CACNA2D1: variants seen among roughly 807,000 people sequenced by gnomAD.
The protein encoded by CACNA2D1 is calcium voltage-gated channel auxiliary subunit alpha2delta 1, also known as voltage-dependent calcium channel subunit alpha-2/delta-1.
In CACNA2D1, 53 loss-of-function variants were observed where a neutral mutation model predicts 171.5. The ratio of observed to expected loss-of-function variants is 0.31; its 90% CI spans 0.25 to 0.39. CACNA2D1 has a LOEUF of 0.39. Among genes scored for constraint, CACNA2D1 ranks in the 10% least tolerant of loss-of-function variants. The pLI, the probability that CACNA2D1 is intolerant of heterozygous loss-of-function variation, is 1.00. For missense variants in CACNA2D1, 903 were observed against 1,299.8 expected (o/e 0.69, Z 4.69); for synonymous variants, 442 against 443.1 (o/e 1.00, Z 0.03).
At chr7:81,959,426 T>C (rs1793832711) in intron 37 of CACNA2D1, 69 bp from the exon 38 acceptor site, 1 of 1,061,794 alleles carries the variant, frequency 9.4e-7, no homozygotes, top group Non-Finnish European at 1.5e-6. Flanking sequence ...TACAATGCAA[T>C]GTATTTCCCA....
intron 4 of CACNA2D1, among the ~76,000 whole-genome samples, chr7:82,147,863 A>G (rs1793324768): frequency 6.6e-6 from 1 of 152,170 alleles, no homozygotes; most frequent in Non-Finnish European, 1.5e-5. Flanking sequence ...TTCATCTTTC[A>G]TCGGGCTTAT....
intron 3 of CACNA2D1, among the ~76,000 whole-genome samples, chr7:82,221,842 T>A (rs1801808489): frequency 6.6e-6 from 1 of 151,504 alleles, no homozygotes; most frequent in African/African-American, 2.4e-5. Flanking sequence ...TAATAAAATA[T>A]TTTCTATAAT....
chr7:82,256,092 C>A (rs918531284), intron 3 of CACNA2D1, among the ~76,000 whole-genome samples: 7 of 152,236 alleles, frequency 4.6e-5, no homozygotes, highest in Non-Finnish European at 1.0e-4. Context: ...GCCTGGCCAA[C>A]ATGGTGAAAC....
At chr7:81,991,314 CG>C in intron 20 of CACNA2D1, 68 bp from the exon 21 acceptor site, 2 of 820,962 alleles carry the variant, frequency 2.4e-6, no homozygotes, top group African/African-American at 1.7e-5. Flanking sequence ...AAAGTAAAGC[CG>C]TAGAATTTAC....
intron 4 of CACNA2D1, among the ~76,000 whole-genome samples, chr7:82,162,894 C>T (rs1370676704): frequency 6.6e-6 from 1 of 152,034 alleles, no homozygotes; most frequent in East Asian, 1.9e-4. Context: ...TATTAATCAT[C>T]TGTGCCTTGT....
At chr7:82,086,708 C>A (rs1382497547) in intron 6 of CACNA2D1, among the ~76,000 whole-genome samples, 1 of 152,080 alleles carries the variant, frequency 6.6e-6, no homozygotes, top group Non-Finnish European at 1.5e-5. Context: ...CATTAATCCC[C>A]AATCTATTCT....
chr7:82,226,950 T>C (rs1324001611), intron 3 of CACNA2D1, among the ~76,000 whole-genome samples: 3 of 152,154 alleles, frequency 2.0e-5, no homozygotes, highest in Non-Finnish European at 1.5e-5. Flanking sequence ...CAGAAAAATA[T>C]TAGAATTCCT....
At chr7:81,972,303 A>G (rs917432536) in intron 25 of CACNA2D1, among the ~76,000 whole-genome samples, 1 of 151,670 alleles carries the variant, frequency 6.6e-6, no homozygotes, top group South Asian at 2.1e-4. Context: ...GAAATTATCA[A>G]GTAAAAACAT....
intron 11 of CACNA2D1, among the ~76,000 whole-genome samples, chr7:82,036,031 A>G (rs917181307): frequency 1.3e-5 from 2 of 152,114 alleles, no homozygotes; most frequent in Non-Finnish European, 2.9e-5. Flanking sequence ...CAAATTCAAC[A>G]TATCTGAAAC....
At chr7:82,162,687 A>G (rs3801726) in intron 4 of CACNA2D1, among the ~76,000 whole-genome samples, 39,642 of 151,892 alleles carry the variant, frequency 0.26, 5,492 homozygotes, top group Middle Eastern at 0.37. Context: ...CTTTCTACTT[A>G]GAGACATCTT....
At chr7:82,220,791 T>C (rs1271849315) in intron 3 of CACNA2D1, among the ~76,000 whole-genome samples, 1 of 149,786 alleles carries the variant, frequency 6.7e-6, no homozygotes, top group Non-Finnish European at 1.5e-5. Context: ...CTTTTTTTTT[T>C]TTTTTGAGAT....
At chr7:82,194,007 A>C (rs1798603852) in intron 3 of CACNA2D1, among the ~76,000 whole-genome samples, 1 of 152,004 alleles carries the variant, frequency 6.6e-6, no homozygotes, top group African/African-American at 2.4e-5. Context: ...TTTGGCATCA[A>C]AATTATAAGG....
intron 3 of CACNA2D1, among the ~76,000 whole-genome samples, chr7:82,274,112 T>C (rs181165191): frequency 6.6e-6 from 1 of 152,190 alleles, no homozygotes; most frequent in East Asian, 1.9e-4. Context: ...ATCTTGGAAC[T>C]CAAACAGCTC....
At chr7:82,223,534 A>C (rs1198440463) in intron 3 of CACNA2D1, among the ~76,000 whole-genome samples, 1 of 152,216 alleles carries the variant, frequency 6.6e-6, no homozygotes, top group East Asian at 1.9e-4. Flanking sequence ...GCATCCTTGC[A>C]CTTTAGATGC....
chr7:82,205,438 T>G (rs1799918722), intron 3 of CACNA2D1, among the ~76,000 whole-genome samples: 1 of 152,002 alleles, frequency 6.6e-6, no homozygotes, highest in African/African-American at 2.4e-5. Flanking sequence ...CAGCTAAGTA[T>G]TATTCCCAAC....
intron 6 of CACNA2D1, among the ~76,000 whole-genome samples, chr7:82,089,453 A>G (rs1810872744): frequency 6.6e-6 from 1 of 152,266 alleles, no homozygotes; most frequent in Non-Finnish European, 1.5e-5. Flanking sequence ...AAGCCTACTA[A>G]AAGCAGTGAA....
chr7:81,957,716 A>G (rs1443142532), intron 38 of CACNA2D1, among the ~76,000 whole-genome samples: 1 of 152,140 alleles, frequency 6.6e-6, no homozygotes, highest in Non-Finnish European at 1.5e-5. Context: ...CCACTGCTAA[A>G]GAAACACAAG....
At chr7:81,957,321 A>G (rs1793519088) in intron 38 of CACNA2D1, among the ~76,000 whole-genome samples, 2 of 152,162 alleles carry the variant, frequency 1.3e-5, no homozygotes, top group African/African-American at 4.8e-5. Flanking sequence ...TCAGCTATTT[A>G]CAAAACAACA....
chr7:82,433,591 T>A (rs752362328), intron 1 of CACNA2D1, among the ~76,000 whole-genome samples: 1 of 152,166 alleles, frequency 6.6e-6, no homozygotes, highest in Non-Finnish European at 1.5e-5. Flanking sequence ...TTAGTCTTGA[T>A]CCCTTCCTCA....
Sources: allele counts gnomAD v4.1 joint callset (sites outside exome capture counted in the v4.1 genomes callset), GRCh38; gene constraint gnomAD v4.1.1; transcripts MANE v1.5; gene names NCBI Gene and HGNC (gene_info 2026-07-23, HGNC 2026-07-21).